Variants in SLC24A2 observed in about 807,000 individuals in gnomAD.
SLC24A2 encodes the protein solute carrier family 24 member 2.
A neutral mutation model predicts 62.0 loss-of-function variants in SLC24A2; 36 were observed. That is an observed-to-expected ratio of 0.58 (90% CI 0.44 to 0.77). The LOEUF is 0.77. Ranked by LOEUF, SLC24A2 falls within the 30% of genes least tolerant of loss-of-function variation. The probability of loss-of-function intolerance (pLI) is 0.00; values close to 1 mark genes in which losing one functional copy is unlikely to be tolerated. For synonymous variants in SLC24A2, 358 were observed against 294.0 expected (o/e 1.22, Z -2.23); for missense variants, 846 against 817.9 (o/e 1.03, Z -0.42).
chr9:20,064,573 C>G, the SLC24A2 span, among the ~76,000 whole-genome samples: 6 of 152,126 alleles, frequency 3.9e-5, no homozygotes, highest in Non-Finnish European at 4.4e-5. Context: ...ACTGTGCTTA[C>G]TTTTATTGTA....
the SLC24A2 span, among the ~76,000 whole-genome samples, chr9:20,232,171 A>G: frequency 6.6e-6 from 1 of 152,220 alleles, no homozygotes; most frequent in Non-Finnish European, 1.5e-5. Context: ...ATCAATGTTC[A>G]TCAAGGATAT....
the SLC24A2 span, among the ~76,000 whole-genome samples, chr9:19,863,753 A>C: frequency 2.6e-5 from 4 of 151,962 alleles, no homozygotes; most frequent in Non-Finnish European, 5.9e-5. Flanking sequence ...ATCAAAAAAG[A>C]AAAACTTCAA....
chr9:20,038,266 GT>G, the SLC24A2 span, among the ~76,000 whole-genome samples: 1 of 152,204 alleles, frequency 6.6e-6, no homozygotes, highest in African/African-American at 2.4e-5. Context: ...TGTCTGTTAA[GT>G]GAAGATAATA....
Position 19,512,099 on chromosome 9 carries a change from G to C in SLC24A2, c.*4054C>G, listed in dbSNP as rs916849960. On this transcript the variant is annotated 3_prime_UTR_variant, in exon 11 of 11. Transcript: ENST00000341998. ...GGTCTGGGGGTGGGCTCCCTTTGTA[G>C]CTCATCTCTTCTCTCACTGTTCCAG... 15 of 152,240 alleles carry C rather than the reference G, an allele frequency of 9.9e-5. No homozygotes were observed. The highest frequency in any genetic ancestry group is 3.6e-4 in the African/African-American group (15 of 41,440). The allele number at this position is 152,240 out of a possible 1,614,324, so 9.4% of individuals were successfully genotyped here. A position where few individuals can be genotyped will look rare whatever the true frequency, so the allele number is the denominator to read the frequency against.
At chr9:19,584,906 A>G (rs1005113652) in intron 5 of SLC24A2, among the ~76,000 whole-genome samples, 7 of 152,196 alleles carry the variant, frequency 4.6e-5, no homozygotes, top group African/African-American at 1.4e-4. Context: ...TTACTCTGTA[A>G]TAAAGTATTT....
the SLC24A2 span, among the ~76,000 whole-genome samples, chr9:20,083,174 A>G: frequency 2.1e-3 from 313 of 152,360 alleles, no homozygotes; most frequent in African/African-American, 7.0e-3. Flanking sequence ...ATTGGAGTAC[A>G]TATACTCAGG....
the SLC24A2 span, among the ~76,000 whole-genome samples, chr9:20,273,498 G>C: frequency 6.6e-6 from 1 of 152,126 alleles, no homozygotes; most frequent in Non-Finnish European, 1.5e-5. Context: ...ATGGAGGCGA[G>C]TCTTTCCCAT....
At chr9:19,587,540 G>T (rs960061834) in intron 5 of SLC24A2, among the ~76,000 whole-genome samples, 3 of 152,130 alleles carry the variant, frequency 2.0e-5, no homozygotes, top group African/African-American at 7.2e-5. Context: ...CTTAACTAAA[G>T]GCTTAGAGGC....
At chr9:19,558,193 A>C (rs1383346993) in intron 7 of SLC24A2, among the ~76,000 whole-genome samples, 1 of 152,132 alleles carries the variant, frequency 6.6e-6, no homozygotes, top group African/African-American at 2.4e-5. Context: ...GCAGCATTGA[A>C]AGTGAAATGA....
chr9:19,964,719 C>T, the SLC24A2 span, among the ~76,000 whole-genome samples: 1 of 152,190 alleles, frequency 6.6e-6, no homozygotes, highest in Non-Finnish European at 1.5e-5. Context: ...GTGGCCATTT[C>T]TTAGTGCACA....
the SLC24A2 span, among the ~76,000 whole-genome samples, chr9:20,095,947 A>G: frequency 6.6e-6 from 1 of 152,116 alleles, no homozygotes; most frequent in Non-Finnish European, 1.5e-5. Context: ...TGAGAACAGT[A>G]TGGGGGAAAC....
At chr9:19,861,557 G>A in the SLC24A2 span, among the ~76,000 whole-genome samples, 1 of 152,046 alleles carries the variant, frequency 6.6e-6, no homozygotes, top group African/African-American at 2.4e-5. Context: ...AGATGATCCA[G>A]GAAAACATGA....
the SLC24A2 span, among the ~76,000 whole-genome samples, chr9:20,202,692 G>T: frequency 2.6e-5 from 4 of 152,270 alleles, no homozygotes; most frequent in East Asian, 7.7e-4. Flanking sequence ...GGACTTGGAA[G>T]AAGAGGGGAG....
At chr9:19,793,907 G>T (rs557262451), upstream of SLC24A2, among the ~76,000 whole-genome samples, 2 of 152,278 alleles carry the variant, frequency 1.3e-5, no homozygotes, top group East Asian at 3.9e-4. Flanking sequence ...AAAAATCACA[G>T]ATATAAATAT....
At chr9:20,078,735 G>T in the SLC24A2 span, among the ~76,000 whole-genome samples, 1 of 151,980 alleles carries the variant, frequency 6.6e-6, no homozygotes, top group African/African-American at 2.4e-5. Context: ...CCCTCTCCAG[G>T]TTGCCGTAAC....
chr9:19,557,036 C>G (rs552520555), intron 7 of SLC24A2, among the ~76,000 whole-genome samples: 1 of 152,286 alleles, frequency 6.6e-6, no homozygotes, highest in Admixed American at 6.5e-5. Flanking sequence ...GTCCTTGAGA[C>G]CAGCCCCCTC....
chr9:19,912,446 T>C, the SLC24A2 span, among the ~76,000 whole-genome samples: 1 of 152,148 alleles, frequency 6.6e-6, no homozygotes, highest in African/African-American at 2.4e-5. Context: ...TTCAGTAATT[T>C]GTCAAGTTAT....
At chr9:20,017,935 G>C in the SLC24A2 span, among the ~76,000 whole-genome samples, 2 of 152,068 alleles carry the variant, frequency 1.3e-5, no homozygotes, top group African/African-American at 4.8e-5. Context: ...GACATATCCA[G>C]GAACAATACT....
chr9:19,721,610 A>G (rs1821026899), intron 2 of SLC24A2, among the ~76,000 whole-genome samples: 1 of 152,178 alleles, frequency 6.6e-6, no homozygotes, highest in African/African-American at 2.4e-5. Flanking sequence ...AAGAAATCTT[A>G]AAAGCATTAA....
Sources: allele counts gnomAD v4.1 joint callset (sites outside exome capture counted in the v4.1 genomes callset), GRCh38; gene constraint gnomAD v4.1.1; transcripts MANE v1.5; gene names NCBI Gene and HGNC (gene_info 2026-07-23, HGNC 2026-07-21).